Variants in ZFHX3 observed in about 807,000 individuals in gnomAD.
The protein encoded by ZFHX3 is zinc finger homeobox protein 3.
ZFHX3 carries 42 observed loss-of-function variants against 279.1 expected under a neutral mutation model. The ratio of observed to expected loss-of-function variants is 0.15; its 90% confidence interval spans 0.12 to 0.19. ZFHX3 has a LOEUF of 0.19. Ranked by LOEUF, ZFHX3 falls within the 10% of genes least tolerant of loss-of-function variation. The pLI, the probability that ZFHX3 is intolerant of heterozygous loss-of-function variation, is 1.00. For synonymous variants in ZFHX3, 2,293 were observed against 1,957.8 expected, an observed-to-expected ratio of 1.17 and a Z score of -4.52; for missense variants, 4,981 against 4,754.0, an observed-to-expected ratio of 1.05 and a Z score of -1.40.
chr16:73,576,886 C>T (rs150669808), intron 2 of ZFHX3, among the ~76,000 whole-genome samples: 10 of 152,256 alleles, frequency 6.6e-5, no homozygotes, highest in South Asian at 2.1e-4. Flanking sequence ...CCACCCTCCA[C>T]GCTCAAGTAG....
At chr16:72,910,763 T>C (rs552830551) in intron 3 of ZFHX3, among the ~76,000 whole-genome samples, 2 of 152,248 alleles carry the variant, frequency 1.3e-5, no homozygotes, top group South Asian at 4.1e-4. Context: ...CAATTTCCCA[T>C]ACAATCAAGA....
At chr16:73,124,444 C>T (rs1404615000) in intron 7 of ZFHX3, among the ~76,000 whole-genome samples, 3 of 152,176 alleles carry the variant, frequency 2.0e-5, no homozygotes, top group African/African-American at 4.8e-5. Context: ...TCCCCACCTC[C>T]TGATATCATC....
intron 2 of ZFHX3, among the ~76,000 whole-genome samples, chr16:73,523,064 A>G (rs188245551): frequency 2.0e-5 from 3 of 152,236 alleles, no homozygotes; most frequent in African/African-American, 7.2e-5. Context: ...TCAAGATAAG[A>G]TTTGGGTAGG....
intron 1 of ZFHX3, among the ~76,000 whole-genome samples, chr16:73,004,987 AT>A (rs1390272089): frequency 1.3e-5 from 2 of 152,212 alleles, no homozygotes; most frequent in African/African-American, 2.4e-5. Flanking sequence ...TCCTACAACC[AT>A]TTATTGCATA....
intron 1 of ZFHX3, among the ~76,000 whole-genome samples, chr16:73,770,899 A>G (rs328357): frequency 0.68 from 103,131 of 152,098 alleles, 35,097 homozygotes; most frequent in East Asian, 0.79. Context: ...ATTATGTGTT[A>G]GACGGATGGA....
At chr16:73,734,358 A>T (rs981868178) in intron 1 of ZFHX3, among the ~76,000 whole-genome samples, 3 of 152,226 alleles carry the variant, frequency 2.0e-5, no homozygotes, top group African/African-American at 4.8e-5. Flanking sequence ...GAATAAACTG[A>T]AATTGAGAAA....
At chr16:73,591,315 C>T (rs781542978) in intron 2 of ZFHX3, among the ~76,000 whole-genome samples, 8 of 150,576 alleles carry the variant, frequency 5.3e-5, no homozygotes, top group Admixed American at 3.3e-4. Flanking sequence ...ATGGCAGCAC[C>T]GCACTCCAGC....
intron 4 of ZFHX3, among the ~76,000 whole-genome samples, chr16:72,863,989 T>C (rs2037950490): frequency 6.6e-6 from 1 of 151,936 alleles, no homozygotes. Context: ...TGGTGGTGGG[T>C]GCCTGTAGTC....
At chr16:73,845,950 C>G (rs1351275632) in intron 1 of ZFHX3, among the ~76,000 whole-genome samples, 1 of 152,108 alleles carries the variant, frequency 6.6e-6, no homozygotes, top group African/African-American at 2.4e-5. Context: ...AGTAGCTGAA[C>G]ACAGGCATGT....
rs2053032353 is a variant in ZFHX3, at chr16:73,682,912, GAAAGAGAGAAAGA to G, written c.-1607-2685_-1607-2673del. 1.0e-4 allele frequency among the ~76,000 whole-genome samples: 2 copies of G among 19,478 alleles called. 1 individual carries two copies. Among genetic ancestry groups the G allele is most frequent in the African/African-American group, 2.7e-4 (2 of 7,468 alleles). 12.8% of individuals were successfully genotyped at this position (19,478 alleles called of 152,430 possible). On this transcript the variant is annotated intron_variant, in intron 1 of 17. Coordinates refer to the ZFHX3 transcript ENST00000641206. ...AAAGAAAGAAAGAAAGAAAGAGAAA[GAAAGAGAGAAAGA>G]GAAAGAAAGAAAGAAAGAAAGAAAG...
intron 3 of ZFHX3, among the ~76,000 whole-genome samples, chr16:72,907,045 T>C (rs975413792): frequency 9.9e-5 from 15 of 152,158 alleles, no homozygotes; most frequent in African/African-American, 2.9e-4. Flanking sequence ...TAAGATGCAG[T>C]CAATCGCTCA....
At chr16:73,369,904 T>G (rs1341492221) in intron 3 of ZFHX3, among the ~76,000 whole-genome samples, 3 of 152,220 alleles carry the variant, frequency 2.0e-5, no homozygotes, top group African/African-American at 7.2e-5. Context: ...GAGCCAATCT[T>G]TTGAAACTCA....
At chr16:73,095,844 A>G (rs1407856238) in intron 7 of ZFHX3, among the ~76,000 whole-genome samples, 2 of 152,188 alleles carry the variant, frequency 1.3e-5, no homozygotes, top group East Asian at 1.9e-4. Context: ...GTGGAGGGGG[A>G]AAAGAATCCC....
intron 5 of ZFHX3, among the ~76,000 whole-genome samples, chr16:73,210,491 G>A (rs889241598): frequency 1.3e-5 from 2 of 152,116 alleles, no homozygotes; most frequent in Non-Finnish European, 2.9e-5. Flanking sequence ...AATAATGCCA[G>A]GAAAAGATAC....
chr16:73,465,471 G>A (rs567051671), intron 2 of ZFHX3, among the ~76,000 whole-genome samples: 24 of 152,206 alleles, frequency 1.6e-4, no homozygotes, highest in African/African-American at 5.3e-4. Context: ...TCCTCCTGGT[G>A]CCTCTGAGGT....
At chr16:73,087,164 A>G (rs1249667164) in intron 8 of ZFHX3, among the ~76,000 whole-genome samples, 4 of 152,212 alleles carry the variant, frequency 2.6e-5, no homozygotes, top group Non-Finnish European at 5.9e-5. Flanking sequence ...GAATACTGCC[A>G]TGGAGAATTC....
chr16:73,243,628 T>C (rs564650131), intron 5 of ZFHX3, among the ~76,000 whole-genome samples: 1 of 152,342 alleles, frequency 6.6e-6, no homozygotes, highest in Non-Finnish European at 1.5e-5. Context: ...CATTTCCATA[T>C]GACGGTAAAG....
chr16:72,787,272 G>T lies in ZFHX3; in HGVS notation c.11004C>A (p.Leu3668=). 1 of 1,614,072 alleles carries T rather than the reference G, an allele frequency of 6.2e-7. No homozygotes were observed. The highest frequency in any genetic ancestry group is 8.5e-7 in the Non-Finnish European group (1 of 1,180,022). ...DDYSEESDTD[L]SQKSDGPASP... ...TCGCCGGTCCGTCGGACTTTTGGCT[G>T]AGATCCGTGTCAGACTCCTCCGAAT... Residue 3668 remains leucine (L), a synonymous_variant, in exon 10 of 10, where the codon CTC becomes CTA. Coordinates refer to ENST00000268489, the MANE Select transcript of ZFHX3 (RefSeq NM_006885.4).
intron 5 of ZFHX3, among the ~76,000 whole-genome samples, chr16:73,196,259 G>A (rs376441788): frequency 8.6e-5 from 13 of 150,862 alleles, no homozygotes; most frequent in African/African-American, 2.2e-4. Flanking sequence ...GCTCTACCCC[G>A]AATGGGATAT....
Sources: allele counts gnomAD v4.1 joint callset (sites outside exome capture counted in the v4.1 genomes callset), GRCh38; gene constraint gnomAD v4.1.1; transcripts MANE v1.5; gene names NCBI Gene and HGNC (gene_info 2026-07-23, HGNC 2026-07-21).